Variants in CUL4B observed in about 807,000 individuals in gnomAD.
CUL4B encodes the protein cullin-4B.
Under a neutral mutation model 69.2 loss-of-function variants are expected in CUL4B, and 1 was observed. The observed-to-expected ratio is 0.01, with a 90% CI of 0.01 to 0.07. CUL4B has a LOEUF of 0.07. Ranked by LOEUF, CUL4B falls within the 10% of genes least tolerant of loss-of-function variation. The pLI is 1.00. For missense variants in CUL4B, 328 were observed against 638.8 expected, an observed-to-expected ratio of 0.51 and a Z score of 5.24; for synonymous variants, 237 against 223.2, an observed-to-expected ratio of 1.06 and a Z score of -0.55.
chrX:120,526,982 A>T (rs1470628468), intron 19 of CUL4B, 126 bp from the exon 20 acceptor site: 18 of 345,136 alleles, frequency 5.2e-5, no homozygotes, highest in Non-Finnish European at 7.6e-5. Flanking sequence ...TAAAATTTTT[A>T]TTTATTTAAA....
At chrX:120,557,128 C>T (rs184152911) in intron 2 of CUL4B, among the ~76,000 whole-genome samples, 116 of 110,782 alleles carry the variant, frequency 1.0e-3, no homozygotes, top group African/African-American at 3.5e-3. Context: ...TCAGGCTGGT[C>T]TCGAACTCCT....
rs749620514 is a variant in CUL4B, at chrX:120,531,849, C to A, written c.2439+573G>T. 4.5e-5 allele frequency among the ~76,000 whole-genome samples: 5 copies of A among 111,125 alleles called. 1 individual carries two copies. The highest frequency in any genetic ancestry group is 9.4e-5 in the Non-Finnish European group (5 of 53,056). On this transcript the variant is annotated intron_variant, in intron 18 of 19. Coordinates refer to ENST00000371322, the MANE Select transcript of CUL4B (RefSeq NM_001079872.2). ...GCAAAAGAAAATATAATCTTTAGTGCTGGGGGACATAGTAAGACAGGCTCT... is the reference window on the plus strand; with the variant it reads ...GCAAAAGAAAATATAATCTTTAGTGATGGGGGACATAGTAAGACAGGCTCT...
intron 13 of CUL4B, 29 bp downstream of exon 13, chrX:120,538,630 GA>G: frequency 1.0e-6 from 1 of 974,486 alleles, no homozygotes; most frequent in Non-Finnish European, 1.5e-6. Flanking sequence ...AGGAATCAAA[GA>G]AAAGGAACAG....
rs1428134213 is a variant in CUL4B, at chrX:120,544,157, C to T, written c.1130G>A (p.Arg377Gln). ...TTTTTGGCCTTCAGCTGCATAGAGC[C>T]GGTTAGTTTCTTCCAAAAATCGTTG... The part of the protein sequence containing the change: ...FEQRFLEETN[R>Q]LYAAEGQKLM... The change falls in exon 7 of 20, where the codon CGG (arginine) becomes CAG (glutamine). Residue 377 changes from arginine (R) to glutamine (Q), a missense_variant. Around this residue, in one of 4 missense-constraint regions of CUL4B, gnomAD observed 126 missense variants for 202.5 expected, o/e 0.62. Transcript: ENST00000371322. The T allele has an allele frequency of 5.0e-6, 6 of 1,204,433 alleles. No individual in the cohort carries two copies. The highest frequency in any genetic ancestry group is 3.0e-5 in the East Asian group (1 of 33,683).
At chrX:120,528,631 G>T (rs1923137037) in intron 19 of CUL4B, among the ~76,000 whole-genome samples, 2 of 110,146 alleles carry the variant, frequency 1.8e-5, no homozygotes, top group Non-Finnish European at 3.8e-5. Flanking sequence ...TGAGGCAAAA[G>T]AATTGCTTGA....
rs1922994422 is a variant in CUL4B, at chrX:120,526,802, T to C, written c.2647A>G (p.Arg883Gly). 8.4e-7 allele frequency: 1 copy of C among 1,197,445 alleles called. No individual in the cohort carries two copies. The highest frequency in any genetic ancestry group is 2.2e-5 in the Admixed American group (1 of 45,491). ...ESLIDRDYME[R>G]DKENPNQYNY... ...TACTGGTTTGGATTTTCTTTATCTCTTTCCATGTAGTCCCGGTCAATTAAA... is the reference window on the plus strand; with the variant it reads ...TACTGGTTTGGATTTTCTTTATCTCCTTCCATGTAGTCCCGGTCAATTAAA... The change falls in exon 20 of 20, where the codon AGA becomes GGA. Residue 883 changes from arginine to glycine, a missense_variant. By Grantham distance (125) the Arg-to-Gly change is moderately radical (BLOSUM62 -2). Around this residue, in one of 4 missense-constraint regions of CUL4B, gnomAD observed 98 missense variants for 296.8 expected, o/e 0.33. Transcript: ENST00000371322.
Position 120,530,258 on chromosome X carries a change from A to T in CUL4B, c.2440-4T>A. On this transcript the variant is annotated splice_polypyrimidine_tract_variant and splice_region_variant and intron_variant, in intron 18 of 19. Coordinates refer to ENST00000371322, the MANE Select transcript of CUL4B (RefSeq NM_001079872.2). ...TAGTGCTTGCTTGTTCTTCAACCTA[A>T]CAAAAAAGTTTTAAACCTAGGAATT... 14 of 1,208,994 alleles carry T rather than the reference A, an allele frequency of 1.2e-5. No individual in the cohort carries two copies. The highest frequency in any genetic ancestry group is 1.6e-5 in the Non-Finnish European group (14 of 893,767).
chrX:120,538,065 G>A, intron 14 of CUL4B, 59 bp downstream of exon 14: 2 of 794,818 alleles, frequency 2.5e-6, no homozygotes, highest in South Asian at 4.2e-5. Flanking sequence ...ACAAATCATA[G>A]CAAGCAGATA....
rs1922900207 is a variant in CUL4B at position 120,525,170 on chromosome X, G to GA, written c.*1590dup. 1 of 111,962 alleles carries GA rather than the reference G, an allele frequency of 8.9e-6. No individual in the cohort carries two copies. The highest frequency in any genetic ancestry group is 1.9e-5 in the Non-Finnish European group (1 of 53,114). 9.2% of individuals were successfully genotyped at this position (111,962 alleles called of 1,213,427 possible). On this transcript the variant is annotated 3_prime_UTR_variant, in exon 20 of 20. Coordinates refer to ENST00000371322, the MANE Select transcript of CUL4B (RefSeq NM_001079872.2). Reference sequence around the variant, plus strand: ...ACCAGTGTGCAAGTTGATGCAACTAGAAAGAAATAGACGACTTTTTAAAAT... The same window carrying GA: ...ACCAGTGTGCAAGTTGATGCAACTAGAAAAGAAATAGACGACTTTTTAAAAT...
At chrX:120,545,758 G>A (rs1226610820) in intron 4 of CUL4B, among the ~76,000 whole-genome samples, 2 of 105,902 alleles carry the variant, frequency 1.9e-5, no homozygotes, top group Non-Finnish European at 3.9e-5. Context: ...TTTACTGCTT[G>A]AGAAGTAACT....
In CUL4B at chrX:120,558,042, AGAT is replaced by A. The variant is rs1925080884; in HGVS notation, c.557-6_557-4del. ...GTTTTCTGGTAATTTAGGCTTATCT[AGAT>A]GATATGTAAAAGGTTGGCATCAGAA... On this transcript the variant is annotated splice_region_variant and splice_polypyrimidine_tract_variant and intron_variant, in intron 1 of 19. Coordinates refer to ENST00000371322, the MANE Select transcript of CUL4B (RefSeq NM_001079872.2). The A allele has an allele frequency of 8.9e-7, 1 of 1,121,718 alleles. No individual in the cohort carries two copies. The highest frequency in any genetic ancestry group is 1.2e-6 in the Non-Finnish European group (1 of 816,382). 92.4% of individuals were successfully genotyped at this position (1,121,718 alleles called of 1,213,427 possible).
At chrX:120,558,960 G>A (rs766585490) in intron 1 of CUL4B, among the ~76,000 whole-genome samples, 23 of 111,215 alleles carry the variant, frequency 2.1e-4, no homozygotes, top group Non-Finnish European at 3.2e-4. Flanking sequence ...ACTTCAGAAA[G>A]CTCTACTATT....
At chrX:120,532,645 G>A (rs751753785) in intron 17 of CUL4B, 51 bp from the exon 18 acceptor site, 21 of 1,030,572 alleles carry the variant, frequency 2.0e-5, no homozygotes, top group Non-Finnish European at 2.7e-5. Flanking sequence ...GAACAACTAC[G>A]ACATTCTACC....
At chrX:120,565,783 C>T (rs779579405), upstream of CUL4B, among the ~76,000 whole-genome samples, 491 of 86,989 alleles carry the variant, frequency 5.6e-3, 6 homozygotes, top group African/African-American at 0.02. Flanking sequence ...TGGAGTGCAG[C>T]GGCGCCATCT....
intron 2 of CUL4B, among the ~76,000 whole-genome samples, chrX:120,554,441 C>G (rs1924856453): frequency 1.8e-5 from 2 of 112,313 alleles, no homozygotes; most frequent in Non-Finnish European, 3.8e-5. Context: ...AAACATTAAT[C>G]ACTGCCTCAC....
Position 120,560,673 on chromosome X carries a change from A to G in CUL4B, c.-35T>C. ...GGGGTCAACAGGCAGAGGAGCATCA[A>G]AAACCTACGTTTATATGCCTGCGTG... On this transcript the variant is annotated 5_prime_UTR_variant, in exon 1 of 20. Transcript: ENST00000371322. 1 of 1,194,884 alleles carries G rather than the reference A, an allele frequency of 8.4e-7. No homozygotes were observed. The highest frequency in any genetic ancestry group is 1.8e-5 in the South Asian group (1 of 56,209).
chrX:120,574,568 G>A (rs1420481261), exon 2 of CUL4B: 1 of 1,205,540 alleles, frequency 8.3e-7, no homozygotes, highest in Admixed American at 2.2e-5. Context: ...TTTAGAGGTA[G>A]TAGCCTCATC....
chrX:120,570,228 C>G (rs2106543), downstream of CUL4B, among the ~76,000 whole-genome samples: 44,612 of 110,084 alleles, frequency 0.41, 7,237 homozygotes, highest in African/African-American at 0.61. Context: ...AATCACAAAG[C>G]GGGAGAATAG....
At chrX:120,568,534 C>T (rs186515200), downstream of CUL4B, among the ~76,000 whole-genome samples, 14 of 111,690 alleles carry the variant, frequency 1.3e-4, no homozygotes, top group African/African-American at 4.2e-4. Flanking sequence ...TTTATTCCCA[C>T]CAACAGCATT....
Sources: gnomAD v4.1 joint callset for allele counts (sites outside exome capture counted in the v4.1 genomes callset) on GRCh38, gnomAD v4.1.1 for gene constraint, gnomAD v4.1.1 regional missense constraint, MANE v1.5 for transcripts, NCBI Gene and HGNC (gene_info 2026-07-23, HGNC 2026-07-21) for gene names.